DIP2C: variants seen among roughly 807,000 people sequenced by gnomAD.
DIP2C encodes DIP2 acetate--CoA ligase C (putative).
In DIP2C, 33 loss-of-function variants were observed where a neutral mutation model predicts 192.4. The ratio of observed to expected loss-of-function variants is 0.17; its 90% CI spans 0.13 to 0.23. The LOEUF is 0.23. DIP2C is among the 10% of genes least tolerant of loss of function. The pLI is 1.00. For synonymous variants in DIP2C, 979 were observed against 864.1 expected, an observed-to-expected ratio of 1.13 and a Z score of -2.33; for missense variants, 1,537 against 2,110.1, an observed-to-expected ratio of 0.73 and a Z score of 5.32.
At chr10:566,100 A>C (rs1231188321) in intron 1 of DIP2C, among the ~76,000 whole-genome samples, 2 of 152,252 alleles carry the variant, frequency 1.3e-5, no homozygotes, top group African/African-American at 4.8e-5. Flanking sequence ...GACATGCTCT[A>C]AGAATAGAAA....
At chr10:586,073 C>T (rs531343213) in intron 1 of DIP2C, among the ~76,000 whole-genome samples, 1 of 152,192 alleles carries the variant, frequency 6.6e-6, no homozygotes, top group Non-Finnish European at 1.5e-5. Flanking sequence ...GGTGGAGTTC[C>T]TGAGCACCAA....
intron 36 of DIP2C, among the ~76,000 whole-genome samples, chr10:278,285 CTCTG>C (rs1954626510): frequency 6.6e-6 from 1 of 152,174 alleles, no homozygotes; most frequent in African/African-American, 2.4e-5. Context: ...GTGCCTGCTC[CTCTG>C]TCTGTGCAGT....
intron 1 of DIP2C, among the ~76,000 whole-genome samples, chr10:673,932 G>T (rs1263094298): frequency 6.6e-6 from 1 of 152,216 alleles, no homozygotes; most frequent in African/African-American, 2.4e-5. Context: ...GATCATTGCT[G>T]TTCCTAATAA....
At chr10:295,983 T>A (rs903671996) in intron 32 of DIP2C, among the ~76,000 whole-genome samples, 1 of 152,252 alleles carries the variant, frequency 6.6e-6, no homozygotes, top group South Asian at 2.1e-4. Flanking sequence ...CTCTTTCTTG[T>A]AAATTTGTTT....
intron 32 of DIP2C, among the ~76,000 whole-genome samples, chr10:306,311 A>T (rs1452673551): frequency 6.6e-6 from 1 of 151,986 alleles, no homozygotes; most frequent in African/African-American, 2.4e-5. Flanking sequence ...AGGGCATCAG[A>T]AACAGGGGCA....
At chr10:674,789 T>TATATATAGAGAGAGAGAGAGAG in intron 1 of DIP2C, among the ~76,000 whole-genome samples, 3 of 62,484 alleles carry the variant, frequency 4.8e-5, no homozygotes, top group East Asian at 5.5e-4. Flanking sequence ...TATATATATA[T>TATATATAGAGAGAGAGAGAGAG]AGAGAGAGAG....
At chr10:685,151 A>AT in intron 1 of DIP2C, among the ~76,000 whole-genome samples, 2 of 46,744 alleles carry the variant, frequency 4.3e-5, no homozygotes, top group East Asian at 5.8e-4. Flanking sequence ...AAAAAAAAAA[A>AT]AAAAAAAAAA....
At chr10:655,381 A>G (rs1325861522) in intron 1 of DIP2C, among the ~76,000 whole-genome samples, 1 of 152,204 alleles carries the variant, frequency 6.6e-6, no homozygotes, top group Non-Finnish European at 1.5e-5. Flanking sequence ...AGTGCTACAG[A>G]ACACTGTCCT....
chr10:327,762 G>A (rs1473818424), intron 30 of DIP2C, among the ~76,000 whole-genome samples: 1 of 152,298 alleles, frequency 6.6e-6, no homozygotes, highest in East Asian at 1.9e-4. Flanking sequence ...TTCATAGACA[G>A]TGCTCCATTT....
intron 29 of DIP2C, among the ~76,000 whole-genome samples, chr10:338,553 C>T (rs537317955): frequency 1.3e-5 from 2 of 152,186 alleles, no homozygotes; most frequent in Non-Finnish European, 2.9e-5. Context: ...CACTAACACG[C>T]TGCACAGGAC....
chr10:601,976 G>A (rs1852107910), intron 1 of DIP2C, among the ~76,000 whole-genome samples: 2 of 151,826 alleles, frequency 1.3e-5, no homozygotes, highest in Non-Finnish European at 2.9e-5. Flanking sequence ...ATGAGGCAGA[G>A]AATGGGTGTT....
intron 6 of DIP2C, 133 bp from the exon 7 acceptor site, chr10:416,021 G>C: frequency 7.3e-7 from 1 of 1,366,118 alleles, no homozygotes. Context: ...TCCTGGGAAG[G>C]GCCCGAGGTG....
chr10:462,505 C>G (rs985451204), intron 3 of DIP2C, among the ~76,000 whole-genome samples: 2 of 152,140 alleles, frequency 1.3e-5, no homozygotes, highest in Non-Finnish European at 2.9e-5. Flanking sequence ...AGACCAATAA[C>G]AAGTTCTGAA....
chr10:366,987 C>T (rs1259699836), intron 18 of DIP2C, among the ~76,000 whole-genome samples: 1 of 152,184 alleles, frequency 6.6e-6, no homozygotes, highest in Non-Finnish European at 1.5e-5. Context: ...GATTAGGGAG[C>T]CAAGAGCCTC....
chr10:472,299 T>C (rs1178504559), intron 3 of DIP2C, 140 bp downstream of exon 3: 1 of 644,192 alleles, frequency 1.6e-6, no homozygotes, highest in African/African-American at 1.8e-5. Flanking sequence ...AGAGGGTGTG[T>C]CCGTGCAGAA....
At position 438,493 on chromosome 10, in the gene DIP2C, G is replaced by A. The variant is rs572739783; in HGVS notation, c.394+2378C>T. ...CCATAAACTAAACAAACAGGATTAA[G>A]CATTTTTTTTTTTTGAGATAGGGTC... On this transcript the variant is annotated intron_variant, in intron 4 of 36. Coordinates refer to ENST00000280886, the MANE Select transcript of DIP2C (RefSeq NM_014974.3). Among the ~76,000 whole-genome samples the A allele has an allele frequency of 1.7e-3, 237 of 142,744 alleles. 1 individual carries two copies. Among genetic ancestry groups the A allele is most frequent in the Non-Finnish European group, 2.8e-3 (193 of 67,852 alleles). 93.6% of individuals were successfully genotyped at this position (142,744 alleles called of 152,430 possible).
At chr10:627,736 G>C (rs1026240255) in intron 1 of DIP2C, among the ~76,000 whole-genome samples, 1 of 152,262 alleles carries the variant, frequency 6.6e-6, no homozygotes, top group Non-Finnish European at 1.5e-5. Flanking sequence ...GCGAGGCTGC[G>C]CCCAAAAGCT....
At chr10:650,351 C>A in intron 1 of DIP2C, 1 of 717,312 alleles carries the variant, frequency 1.4e-6, no homozygotes, top group South Asian at 1.5e-5. Context: ...CTGCAAGCCC[C>A]AGACCGGGGC....
intron 1 of DIP2C, among the ~76,000 whole-genome samples, chr10:548,955 T>TGAATTTTTTCTTTAC (rs1848453202): frequency 2.7e-5 from 1 of 37,084 alleles, no homozygotes; most frequent in African/African-American, 1.0e-4. Flanking sequence ...AAAGAAAAAA[T>TGAATTTTTTCTTTAC]TCATTTAAGA....
Sources: allele counts gnomAD v4.1 joint callset (sites outside exome capture counted in the v4.1 genomes callset), GRCh38; gene constraint gnomAD v4.1.1; transcripts MANE v1.5; gene names NCBI Gene and HGNC (gene_info 2026-07-23, HGNC 2026-07-21).